The following COL24A1 variants were observed in gnomAD, a reference collection of about 807,000 sequenced individuals.
COL24A1 encodes collagen alpha-1(XXIV) chain.
Under a neutral mutation model 253.9 loss-of-function variants are expected in COL24A1, and 224 were observed. The ratio of observed to expected loss-of-function variants is 0.88; its 90% confidence interval spans 0.79 to 0.99. The LOEUF (loss-of-function observed/expected upper bound fraction) is 0.99, where lower values mean the gene tolerates loss of function less well. COL24A1 is among the 50% of genes least tolerant of loss of function. The pLI is 0.00. For synonymous variants in COL24A1, 685 were observed against 673.7 expected (o/e 1.02, Z -0.26); for missense variants, 2,131 against 2,068.5 (o/e 1.03, Z -0.59).
At chr1:86,058,740 T>A (rs915933003) in intron 9 of COL24A1, among the ~76,000 whole-genome samples, 1 of 152,036 alleles carries the variant, frequency 6.6e-6, no homozygotes, top group Non-Finnish European at 1.5e-5. Flanking sequence ...GTTTCTCAAA[T>A]TTTTATAACT....
chr1:85,907,928 C>T (rs1421608870), intron 27 of COL24A1, among the ~76,000 whole-genome samples: 1 of 151,568 alleles, frequency 6.6e-6, no homozygotes, highest in African/African-American at 2.4e-5. Context: ...AGTAACTGTT[C>T]TTGAGACTAC....
intron 20 of COL24A1, among the ~76,000 whole-genome samples, chr1:85,971,828 G>A (rs1692196577): frequency 6.6e-6 from 1 of 152,054 alleles, no homozygotes; most frequent in African/African-American, 2.4e-5. Flanking sequence ...GCTGAAGAAT[G>A]CATTAGTTCT....
In COL24A1 at chr1:86,011,959, G is replaced by A. The variant is rs117697722; in HGVS notation, c.2310+5192C>T. Among the ~76,000 whole-genome samples, 373 of 152,090 alleles carry A rather than the reference G, an allele frequency of 2.5e-3. 9 individuals are homozygous for A. In the East Asian group the frequency reaches 0.047, roughly 19 times the overall value. On this transcript the variant is annotated intron_variant, in intron 19 of 59. Coordinates refer to ENST00000370571, the MANE Select transcript of COL24A1 (RefSeq NM_152890.7). Reference sequence around the variant, plus strand: ...CCAATGATTCTGATTCAACATTTTTGAGATTGGCCCTGGCAATCTGTGTGT... The same window carrying A: ...CCAATGATTCTGATTCAACATTTTTAAGATTGGCCCTGGCAATCTGTGTGT...
intron 11 of COL24A1, among the ~76,000 whole-genome samples, chr1:86,049,596 T>G (rs1392924752): frequency 6.6e-6 from 1 of 152,182 alleles, no homozygotes; most frequent in African/African-American, 2.4e-5. Flanking sequence ...CTAGATATGA[T>G]GAAGCTGCAA....
At chr1:86,133,857 C>T (rs1649740136) in intron 2 of COL24A1, among the ~76,000 whole-genome samples, 1 of 152,082 alleles carries the variant, frequency 6.6e-6, no homozygotes, top group South Asian at 2.1e-4. Flanking sequence ...ATGATGCTGG[C>T]CTCATCAAAT....
At chr1:85,988,032 A>G (rs1165785948) in intron 19 of COL24A1, among the ~76,000 whole-genome samples, 1 of 151,818 alleles carries the variant, frequency 6.6e-6, no homozygotes, top group South Asian at 2.1e-4. Flanking sequence ...TGTTGGACTC[A>G]CTATTTACTA....
At chr1:86,049,046 A>G (rs1700117527) in intron 11 of COL24A1, among the ~76,000 whole-genome samples, 1 of 152,224 alleles carries the variant, frequency 6.6e-6, no homozygotes, top group South Asian at 2.1e-4. Context: ...AAGAAGTAGC[A>G]GATCAATTCT....
intron 24 of COL24A1, among the ~76,000 whole-genome samples, chr1:85,938,567 C>T (rs1688439424): frequency 6.8e-6 from 1 of 146,188 alleles, no homozygotes; most frequent in Admixed American, 6.9e-5. Flanking sequence ...TTCTAAGCTT[C>T]CCTCAGGAAG....
At chr1:86,067,092 T>C (rs912048391) in intron 7 of COL24A1, among the ~76,000 whole-genome samples, 2 of 151,486 alleles carry the variant, frequency 1.3e-5, no homozygotes, top group East Asian at 1.9e-4. Flanking sequence ...TGAGCCGAGA[T>C]TGCGCCACTG....
chr1:85,926,016 T>C (rs1223913477), intron 24 of COL24A1, among the ~76,000 whole-genome samples: 1 of 152,012 alleles, frequency 6.6e-6, no homozygotes, highest in African/African-American at 2.4e-5. Flanking sequence ...GGGCAAAGGA[T>C]ATGAACAGAC....
At chr1:85,925,176 C>T (rs906186401) in intron 24 of COL24A1, among the ~76,000 whole-genome samples, 6 of 152,046 alleles carry the variant, frequency 3.9e-5, no homozygotes, top group South Asian at 4.1e-4. Flanking sequence ...TAAAAGAGGA[C>T]ACAAACAAAT....
intron 5 of COL24A1, among the ~76,000 whole-genome samples, chr1:86,105,203 A>G (rs1704850454): frequency 6.6e-6 from 1 of 152,132 alleles, no homozygotes; most frequent in Non-Finnish European, 1.5e-5. Context: ...GGTATGGCAG[A>G]GGGAGGGGAG....
intron 5 of COL24A1, among the ~76,000 whole-genome samples, chr1:86,102,348 GT>G (rs1240675272): frequency 2.6e-4 from 40 of 152,012 alleles, no homozygotes; most frequent in African/African-American, 9.2e-4. Flanking sequence ...TCCAGGATTT[GT>G]TGATCTTTGA....
chr1:85,851,816 G>T (rs114342555), intron 37 of COL24A1, among the ~76,000 whole-genome samples: 3 of 151,900 alleles, frequency 2.0e-5, no homozygotes, highest in Non-Finnish European at 4.4e-5. Context: ...CTTATATTTT[G>T]TTCATTCCAT....
intron 3 of COL24A1, among the ~76,000 whole-genome samples, chr1:86,116,588 A>G (rs1336973191): frequency 6.6e-6 from 1 of 152,176 alleles, no homozygotes; most frequent in African/African-American, 2.4e-5. Context: ...TTCCAATTCA[A>G]AAACACAAGA....
intron 14 of COL24A1, among the ~76,000 whole-genome samples, chr1:86,030,993 T>C (rs988249490): frequency 9.9e-5 from 15 of 152,136 alleles, no homozygotes; most frequent in African/African-American, 3.6e-4. Context: ...ACTGAACAGA[T>C]ATTTGCACTC....
intron 55 of COL24A1, among the ~76,000 whole-genome samples, chr1:85,755,920 ACTT>A (rs35459467): frequency 0.7 from 103,314 of 148,422 alleles, 36,844 homozygotes; most frequent in Non-Finnish European, 0.77. Flanking sequence ...AAAAAAAAAA[ACTT>A]CTGTGCATCA....
chr1:86,133,029 T>C (rs1441366163), intron 2 of COL24A1, among the ~76,000 whole-genome samples: 1 of 151,994 alleles, frequency 6.6e-6, no homozygotes, highest in African/African-American at 2.4e-5. Context: ...TTTTGTATCC[T>C]CTTATTTCAG....
intron 2 of COL24A1, among the ~76,000 whole-genome samples, chr1:86,130,410 T>C (rs1648980268): frequency 6.6e-6 from 1 of 151,948 alleles, no homozygotes; most frequent in Admixed American, 6.6e-5. Context: ...TTTAATTTTT[T>C]GAAGTCTTTC....
Sources: allele counts gnomAD v4.1 joint callset (sites outside exome capture counted in the v4.1 genomes callset), GRCh38; gene constraint gnomAD v4.1.1; transcripts MANE v1.5; gene names NCBI Gene and HGNC (gene_info 2026-07-23, HGNC 2026-07-21).